MAOB: variants seen among roughly 807,000 people sequenced by gnomAD.
MAOB encodes monoamine oxidase B.
Under a neutral mutation model 41.9 loss-of-function variants are expected in MAOB, and 15 were observed. The ratio of observed to expected loss-of-function variants is 0.36; its 90% CI spans 0.24 to 0.55. The LOEUF (loss-of-function observed/expected upper bound fraction) is 0.55, where lower values mean the gene tolerates loss of function less well. Ranked by LOEUF, MAOB falls within the 20% of genes least tolerant of loss-of-function variation. MAOB has a pLI of 0.86. For synonymous variants in MAOB, 167 were observed against 144.2 expected (o/e 1.16, Z -1.13); for missense variants, 345 against 398.7 (o/e 0.87, Z 1.15).
intron 12 of MAOB, among the ~76,000 whole-genome samples, chrX:43,771,060 C>T (rs2034175836): frequency 8.9e-6 from 1 of 112,020 alleles, no homozygotes; most frequent in Admixed American, 9.5e-5. Flanking sequence ...AATGAGCTGG[C>T]TTGCATTGGT....
chrX:43,848,497 C>T (rs1275811749), intron 1 of MAOB, among the ~76,000 whole-genome samples: 1 of 109,606 alleles, frequency 9.1e-6, no homozygotes, highest in Non-Finnish European at 1.9e-5. Context: ...ATAGGCATTC[C>T]CTTGGGACTG....
chrX:43,773,300 T>A, intron 12 of MAOB, among the ~76,000 whole-genome samples: 1 of 112,108 alleles, frequency 8.9e-6, no homozygotes, highest in Middle Eastern at 4.6e-3. Flanking sequence ...TTTACCTCAG[T>A]GGTAACATTC....
At chrX:43,845,537 C>G (rs2035191308) in intron 1 of MAOB, among the ~76,000 whole-genome samples, 1 of 111,767 alleles carries the variant, frequency 8.9e-6, no homozygotes, top group African/African-American at 3.2e-5. Flanking sequence ...AAGAGATGAC[C>G]AAGGTCGCAT....
intron 7 of MAOB, among the ~76,000 whole-genome samples, chrX:43,793,894 T>G (rs1360728066): frequency 9.0e-6 from 1 of 111,464 alleles, no homozygotes; most frequent in East Asian, 2.8e-4. Context: ...GTTTTCTTTT[T>G]GAGACCCAGT....
At chrX:43,871,324 T>G (rs1247228367) in intron 1 of MAOB, among the ~76,000 whole-genome samples, 1 of 111,079 alleles carries the variant, frequency 9.0e-6, no homozygotes, top group Admixed American at 9.5e-5. Context: ...AAGTGAAATT[T>G]CAACACTCTA....
chrX:43,833,878 A>G (rs891377588), intron 3 of MAOB, among the ~76,000 whole-genome samples: 1 of 112,268 alleles, frequency 8.9e-6, no homozygotes, highest in Admixed American at 9.5e-5. Flanking sequence ...CATCAAAGGC[A>G]TAATTTTCAG....
At chrX:43,870,794 C>CAAAAAAAA (rs763016344) in intron 1 of MAOB, among the ~76,000 whole-genome samples, 1 of 21,937 alleles carries the variant, frequency 4.6e-5, no homozygotes, top group Non-Finnish European at 7.8e-5. Flanking sequence ...GACTCCACCT[C>CAAAAAAAA]AAAAAAAAAA....
chrX:43,853,075 C>G (rs867019678), intron 1 of MAOB, among the ~76,000 whole-genome samples: 1 of 108,804 alleles, frequency 9.2e-6, no homozygotes, highest in Non-Finnish European at 1.9e-5. Context: ...CCGAGGCGGG[C>G]GGATCACGAT....
intron 1 of MAOB, among the ~76,000 whole-genome samples, chrX:43,849,916 C>T (rs143957976): frequency 8.9e-6 from 1 of 112,223 alleles, no homozygotes; most frequent in Admixed American, 9.5e-5. Flanking sequence ...TTCCTCTGGT[C>T]ATCCAGAAAT....
chrX:43,773,423 C>T (rs930579619), intron 12 of MAOB, among the ~76,000 whole-genome samples: 18 of 112,652 alleles, frequency 1.6e-4, no homozygotes, highest in African/African-American at 5.5e-4. Flanking sequence ...CCACCCTAGC[C>T]CTCAACACTG....
chrX:43,872,900 A>AT (rs2035417063), intron 1 of MAOB, among the ~76,000 whole-genome samples: 1 of 112,031 alleles, frequency 8.9e-6, no homozygotes, highest in East Asian at 2.8e-4. Flanking sequence ...TAATTTACAG[A>AT]TTTTCACAAC....
At chrX:43,835,002 A>G (rs1012120607) in intron 3 of MAOB, among the ~76,000 whole-genome samples, 2 of 112,267 alleles carry the variant, frequency 1.8e-5, no homozygotes, top group Non-Finnish European at 3.8e-5. Flanking sequence ...GTGTTTTACC[A>G]GACTTTACTT....
intron 1 of MAOB, among the ~76,000 whole-genome samples, chrX:43,855,806 G>A (rs1012037127): frequency 1.8e-5 from 2 of 111,415 alleles, no homozygotes; most frequent in Admixed American, 1.9e-4. Context: ...GGAAGGAGCA[G>A]GAAGGGATAG....
At chrX:43,852,130 C>T (rs1242297121) in intron 1 of MAOB, among the ~76,000 whole-genome samples, 3 of 111,856 alleles carry the variant, frequency 2.7e-5, no homozygotes, top group East Asian at 5.6e-4. Flanking sequence ...CTTTCCCCAT[C>T]TATAAAATAA....
At chrX:43,844,502 A>T (rs1183950389) in intron 1 of MAOB, 1 of 111,940 alleles carries the variant, frequency 8.9e-6, no homozygotes, top group African/African-American at 3.2e-5. Context: ...GGATGGTGGG[A>T]TACCTAGATG....
intron 5 of MAOB, among the ~76,000 whole-genome samples, chrX:43,799,089 T>A (rs1003410475): frequency 8.9e-6 from 1 of 111,797 alleles, no homozygotes. Context: ...TGTAGAATCA[T>A]GCCTAACACA....
chrX:43,875,389 A>G (rs1227225576), intron 1 of MAOB, among the ~76,000 whole-genome samples: 2 of 112,051 alleles, frequency 1.8e-5, no homozygotes, highest in Non-Finnish European at 3.8e-5. Flanking sequence ...CAATGATTCT[A>G]TTAAACCAAA....
chrX:43,813,586 A>T (rs1006334369), intron 3 of MAOB, among the ~76,000 whole-genome samples: 2 of 112,329 alleles, frequency 1.8e-5, no homozygotes, highest in Non-Finnish European at 3.8e-5. Context: ...TGAGATTCTT[A>T]CAAACTAGTT....
intron 1 of MAOB, among the ~76,000 whole-genome samples, chrX:43,845,485 C>CT (rs1440442770): frequency 1.8e-5 from 2 of 112,237 alleles, no homozygotes; most frequent in Non-Finnish European, 3.8e-5. Context: ...GAGATAAGTA[C>CT]TGTTGACATT....
Sources: allele counts gnomAD v4.1 joint callset (sites outside exome capture counted in the v4.1 genomes callset), GRCh38; gene constraint gnomAD v4.1.1; transcripts MANE v1.5; gene names NCBI Gene and HGNC (gene_info 2026-07-23, HGNC 2026-07-21).